The following SKAP1 variants were observed in gnomAD, a reference collection of about 807,000 sequenced individuals.
The protein encoded by SKAP1 is src kinase-associated phosphoprotein 1.
Under a neutral mutation model 58.5 loss-of-function variants are expected in SKAP1, and 44 were observed. The observed-to-expected ratio is 0.75, with a 90% CI of 0.59 to 0.97. The LOEUF is 0.97. Ranked by LOEUF, SKAP1 falls within the 50% of genes least tolerant of loss-of-function variation. SKAP1 has a pLI of 0.00. For synonymous variants in SKAP1, 127 were observed against 149.7 expected (o/e 0.85, Z 1.11); for missense variants, 390 against 435.2 (o/e 0.90, Z 0.92).
chr17:48,190,847 T>C (rs1467572870), intron 4 of SKAP1, among the ~76,000 whole-genome samples: 3 of 152,036 alleles, frequency 2.0e-5, no homozygotes, highest in African/African-American at 7.3e-5. Flanking sequence ...TAGCCGGGCA[T>C]GGTGGCACAC....
intron 11 of SKAP1, among the ~76,000 whole-genome samples, chr17:48,140,842 G>A (rs1347788209): frequency 6.7e-6 from 1 of 149,188 alleles, no homozygotes; most frequent in Non-Finnish European, 1.5e-5. Flanking sequence ...GCAGTGGTGT[G>A]ATCTCATGAT....
intron 4 of SKAP1, among the ~76,000 whole-genome samples, chr17:48,273,148 A>G (rs2065655270): frequency 6.6e-6 from 1 of 152,168 alleles, no homozygotes; most frequent in Non-Finnish European, 1.5e-5. Context: ...CCTAATCAGC[A>G]TGAACTCCAG....
chr17:48,264,398 G>T (rs1223549532), intron 4 of SKAP1, among the ~76,000 whole-genome samples: 1 of 151,962 alleles, frequency 6.6e-6, no homozygotes. Flanking sequence ...TAATTCCCAG[G>T]CCACATTACT....
intron 11 of SKAP1, among the ~76,000 whole-genome samples, chr17:48,159,279 A>G (rs1052937665): frequency 2.6e-5 from 4 of 152,184 alleles, no homozygotes; most frequent in African/African-American, 9.7e-5. Flanking sequence ...GGCCCACCAT[A>G]TTTAGAATGG....
At chr17:48,193,257 G>T (rs1423265573) in intron 4 of SKAP1, among the ~76,000 whole-genome samples, 1 of 152,100 alleles carries the variant, frequency 6.6e-6, no homozygotes, top group African/African-American at 2.4e-5. Flanking sequence ...TGGTCAGGCT[G>T]GTCTTGAACT....
At chr17:48,261,530 T>C (rs2065484316) in intron 4 of SKAP1, among the ~76,000 whole-genome samples, 1 of 152,092 alleles carries the variant, frequency 6.6e-6, no homozygotes, top group African/African-American at 2.4e-5. Flanking sequence ...GACTGTGTGA[T>C]GGGCGGTCAC....
chr17:48,379,682 CTTTTT>C (rs397856911), intron 2 of SKAP1, among the ~76,000 whole-genome samples: 1 of 124,044 alleles, frequency 8.1e-6, no homozygotes. Context: ...GTATCTTCTT[CTTTTT>C]TTTTTTTTTT....
intron 4 of SKAP1, among the ~76,000 whole-genome samples, chr17:48,303,359 A>G (rs1190275845): frequency 6.6e-6 from 1 of 152,178 alleles, no homozygotes; most frequent in African/African-American, 2.4e-5. Context: ...AGTTCAAATC[A>G]TTTCTCATCT....
chr17:48,288,414 A>G (rs2065859275), intron 4 of SKAP1, among the ~76,000 whole-genome samples: 1 of 152,186 alleles, frequency 6.6e-6, no homozygotes, highest in Non-Finnish European at 1.5e-5. Flanking sequence ...CGCTGGGTGC[A>G]GTGGCTCACA....
chr17:48,272,265 G>A lies in SKAP1; in HGVS notation c.280+73640C>T, dbSNP rs142609437. On this transcript the variant is annotated intron_variant, in intron 4 of 12. Coordinates refer to ENST00000336915, the MANE Select transcript of SKAP1 (RefSeq NM_003726.4). Reference sequence around the variant, plus strand: ...TTCTGCCTCAGCCTCCCGAGTAGCTGGGATTACAGGTGTGTGCCACCATGC... The same window carrying A: ...TTCTGCCTCAGCCTCCCGAGTAGCTAGGATTACAGGTGTGTGCCACCATGC... Among the ~76,000 whole-genome samples, 18 of 151,930 alleles carry A rather than the reference G, an allele frequency of 1.2e-4. 1 individual carries two copies. The East Asian group carries it at 3.5e-3, about 30-fold the overall frequency.
chr17:48,430,311 C>T (rs2144635572), upstream of SKAP1: 1 of 292,976 alleles, frequency 3.4e-6, no homozygotes, highest in Non-Finnish European at 6.1e-6. Flanking sequence ...AGGCGGGGAC[C>T]GGAACGGGGC....
chr17:48,433,121 C>T (rs984645265), upstream of SKAP1, among the ~76,000 whole-genome samples: 1 of 152,232 alleles, frequency 6.6e-6, no homozygotes, highest in African/African-American at 2.4e-5. Context: ...TCTGAGGACC[C>T]TGTTTCAGCA....
intron 4 of SKAP1, among the ~76,000 whole-genome samples, chr17:48,317,168 G>C (rs1372172804): frequency 6.6e-6 from 1 of 152,112 alleles, no homozygotes; most frequent in African/African-American, 2.4e-5. Context: ...TTCATCTGTT[G>C]ACAAGGCTGA....
chr17:48,222,386 A>G (rs2065016145), intron 4 of SKAP1, among the ~76,000 whole-genome samples: 1 of 152,122 alleles, frequency 6.6e-6, no homozygotes, highest in African/African-American at 2.4e-5. Context: ...ATATTGATGA[A>G]CTGACTTGGG....
intron 4 of SKAP1, among the ~76,000 whole-genome samples, chr17:48,250,165 CTA>C (rs919809948): frequency 6.8e-6 from 1 of 146,540 alleles, no homozygotes; most frequent in Non-Finnish European, 1.5e-5. Context: ...TCTATGAGAT[CTA>C]TGTTATAAGC....
At chr17:48,443,486 G>A in the SKAP1 span, among the ~76,000 whole-genome samples, 1 of 152,002 alleles carries the variant, frequency 6.6e-6, no homozygotes, top group East Asian at 1.9e-4. Flanking sequence ...TTGTTTGTTT[G>A]TTTGTTTGAG....
chr17:48,173,187 A>T (rs2064239732), intron 9 of SKAP1, among the ~76,000 whole-genome samples: 1 of 29,822 alleles, frequency 3.4e-5, no homozygotes, highest in Non-Finnish European at 9.7e-5. Context: ...CCTTGTCTCT[A>T]AAAAAAAAAA....
At chr17:48,164,643 T>C (rs1055799257) in intron 10 of SKAP1, among the ~76,000 whole-genome samples, 7 of 151,918 alleles carry the variant, frequency 4.6e-5, no homozygotes, top group African/African-American at 1.7e-4. Flanking sequence ...ATAGAAAAGG[T>C]CTTTGATATT....
At chr17:48,196,487 T>C (rs1223143216) in intron 4 of SKAP1, among the ~76,000 whole-genome samples, 1 of 152,202 alleles carries the variant, frequency 6.6e-6, no homozygotes, top group African/African-American at 2.4e-5. Context: ...GTTTGGAGTA[T>C]GAATAATCTG....
Sources: gnomAD v4.1 joint callset for allele counts (sites outside exome capture counted in the v4.1 genomes callset) on GRCh38, gnomAD v4.1.1 for gene constraint, MANE v1.5 for transcripts, NCBI Gene and HGNC (gene_info 2026-07-23, HGNC 2026-07-21) for gene names.